Variants in KAT6A observed in about 807,000 individuals in gnomAD.
KAT6A encodes the protein lysine acetyltransferase 6A.
KAT6A carries 9 observed loss-of-function variants against 198.4 expected under a neutral mutation model. That is an observed-to-expected ratio of 0.05 (90% CI 0.03 to 0.08). The LOEUF is 0.08. KAT6A is among the 10% of genes least tolerant of loss of function. The pLI is 1.00. For synonymous variants in KAT6A, 890 were observed against 883.0 expected (o/e 1.01, Z -0.14); for missense variants, 2,077 against 2,509.9 (o/e 0.83, Z 3.69).
At chr8:41,967,646 A>G (rs1823576704) in intron 8 of KAT6A, among the ~76,000 whole-genome samples, 1 of 152,096 alleles carries the variant, frequency 6.6e-6, no homozygotes. Flanking sequence ...TTATGGCTAC[A>G]TAGTATTCCA....
intron 10 of KAT6A, 110 bp from the exon 11 acceptor site, chr8:41,948,022 G>A: frequency 1.2e-6 from 1 of 856,996 alleles, no homozygotes; most frequent in South Asian, 2.2e-5. Context: ...CTAGGAGAAG[G>A]TGTCCATGAC....
rs754833734 is a variant in KAT6A, at chr8:41,934,187, G to A, written c.4033C>T (p.Pro1345Ser). 6.2e-7 allele frequency: 1 copy of A among 1,613,862 alleles called. No homozygotes were observed. Among genetic ancestry groups the A allele is most frequent in the Non-Finnish European group, 8.5e-7 (1 of 1,180,008 alleles). The change falls in exon 17 of 17, where the codon CCT becomes TCT. Residue 1345 changes from proline to serine, a missense_variant. Pro to Ser is a moderately conservative substitution (Grantham distance 74). Around this residue, in one of 13 missense-constraint regions of KAT6A, gnomAD observed 375 missense variants for 383.0 expected, o/e 0.98. Transcript: ENST00000265713. The part of the protein sequence containing the change: ...QPTREDVKEE[P>S]GVQESFLDAN... ...TCTAAAAAAGACTCTTGAACACCAG[G>A]CTCCTCCTTGACATCTTCCCTCGTG...
chr8:42,045,135 A>G (rs1409646509), intron 2 of KAT6A, among the ~76,000 whole-genome samples: 1 of 152,232 alleles, frequency 6.6e-6, no homozygotes, highest in African/African-American at 2.4e-5. Context: ...TCCATTTAAA[A>G]ATATAGAACA....
chr8:41,937,333 T>C lies in KAT6A; in HGVS notation c.3275A>G (p.Asp1092Gly). 6.2e-7 allele frequency: 1 copy of C among 1,614,126 alleles called. No individual in the cohort carries two copies. Among genetic ancestry groups the C allele is most frequent in the Non-Finnish European group, 8.5e-7 (1 of 1,179,964 alleles). The change falls in exon 16 of 17, where the codon GAT (aspartate) becomes GGT (glycine). Residue 1092 changes from aspartate to glycine, a missense_variant. By Grantham distance (94) the Asp-to-Gly change is moderately conservative. Transcript: ENST00000265713. ...AGAAGAGGACTGACACCTGAGTACA[T>C]CCTGCGAAGACAAACGACGGAAGTA... ...REYFRRLSSQ[D>G]VLRCQSSSKR...
At chr8:41,969,962 CA>C (rs1274523815) in intron 8 of KAT6A, among the ~76,000 whole-genome samples, 2 of 152,158 alleles carry the variant, frequency 1.3e-5, no homozygotes, top group African/African-American at 4.8e-5. Flanking sequence ...GTTACTTCTT[CA>C]AAAGTCTTCC....
At chr8:41,947,961 C>A in intron 10 of KAT6A, 49 bp from the exon 11 acceptor site, 1 of 1,420,498 alleles carries the variant, frequency 7.0e-7, no homozygotes, top group South Asian at 1.4e-5. Flanking sequence ...CTCTTTAGTT[C>A]TAGAATAATA....
chr8:41,970,966 G>T (rs181225130), intron 8 of KAT6A, among the ~76,000 whole-genome samples: 2 of 152,012 alleles, frequency 1.3e-5, no homozygotes, highest in East Asian at 3.9e-4. Flanking sequence ...GCAAATTATT[G>T]TAAGGACAAA....
chr8:41,948,119 TCATACCTTCAACATAG>T (rs1195066674), intron 10 of KAT6A, among the ~76,000 whole-genome samples: 1 of 152,204 alleles, frequency 6.6e-6, no homozygotes, highest in Non-Finnish European at 1.5e-5. Context: ...ATATAAAACC[TCATACCTTCAACATAG>T]CAGGAACAGC....
At chr8:42,004,056 A>T (rs1189353034) in intron 2 of KAT6A, among the ~76,000 whole-genome samples, 2 of 152,226 alleles carry the variant, frequency 1.3e-5, no homozygotes, top group Non-Finnish European at 2.9e-5. Context: ...CATACTATTC[A>T]TATCCTCAAT....
intron 5 of KAT6A, among the ~76,000 whole-genome samples, 174 bp from the exon 6 acceptor site, chr8:41,978,951 C>A (rs866407174): frequency 6.6e-6 from 1 of 152,288 alleles, no homozygotes; most frequent in Middle Eastern, 3.4e-3. Flanking sequence ...ACACAAAATT[C>A]TACAAATAAT....
At chr8:42,022,773 C>T (rs1564071387) in intron 2 of KAT6A, among the ~76,000 whole-genome samples, 1 of 151,330 alleles carries the variant, frequency 6.6e-6, no homozygotes. Flanking sequence ...TTTGTCATCA[C>T]AAAAAAAATT....
At chr8:42,033,975 G>A (rs549759173) in intron 2 of KAT6A, among the ~76,000 whole-genome samples, 2 of 152,274 alleles carry the variant, frequency 1.3e-5, no homozygotes, top group Non-Finnish European at 2.9e-5. Flanking sequence ...AAGTGTGTAC[G>A]GACATATGCA....
chr8:42,012,188 T>C (rs1826053469), intron 2 of KAT6A, among the ~76,000 whole-genome samples: 1 of 152,180 alleles, frequency 6.6e-6, no homozygotes, highest in Non-Finnish European at 1.5e-5. Flanking sequence ...GGAAAACAGC[T>C]TAGCAGTTTC....
In KAT6A at chr8:41,932,430, G is replaced by A; in HGVS notation, c.5790C>T (p.Pro1930=). 1.2e-6 allele frequency: 2 copies of A among 1,614,240 alleles called. No individual in the cohort carries two copies. Among genetic ancestry groups the A allele is most frequent in the Non-Finnish European group, 1.7e-6 (2 of 1,180,034 alleles). The change falls in exon 17 of 17, where the codon CCC becomes CCT. Residue 1930 remains proline (P), a synonymous_variant. Coordinates refer to ENST00000265713, the MANE Select transcript of KAT6A (RefSeq NM_006766.5). ...NAMNSYRMTQ[P]MMNSSYHSNP... is the part of the protein sequence containing the mutation. The stretch of plus-strand genomic sequence containing the variant: ...TACTATGGTAACTGCTGTTCATCAT[G>A]GGCTGTGTCATTCGATAGCTGTTCA...
intron 3 of KAT6A, 149 bp from the exon 4 acceptor site, chr8:41,982,103 T>C: frequency 1.7e-6 from 1 of 575,168 alleles, no homozygotes; most frequent in African/African-American, 1.9e-5. Context: ...CTGCCACACA[T>C]TTCTCATCAG....
intron 15 of KAT6A, among the ~76,000 whole-genome samples, chr8:41,938,039 T>G (rs144912104): frequency 6.6e-6 from 1 of 152,180 alleles, no homozygotes; most frequent in African/African-American, 2.4e-5. Flanking sequence ...AATGTAGAAA[T>G]ATGGGGCTGA....
intron 8 of KAT6A, among the ~76,000 whole-genome samples, chr8:41,969,434 C>T (rs768452426): frequency 1.3e-5 from 2 of 152,130 alleles, no homozygotes; most frequent in Non-Finnish European, 2.9e-5. Flanking sequence ...TCTCTTGCTT[C>T]CTCAAGCTAC....
At chr8:41,940,484 T>A (rs537846181) in intron 15 of KAT6A, among the ~76,000 whole-genome samples, 110 of 152,294 alleles carry the variant, frequency 7.2e-4, no homozygotes, top group African/African-American at 2.5e-3. Context: ...TTCTAATCTG[T>A]ACATACTTTA....
intron 2 of KAT6A, among the ~76,000 whole-genome samples, chr8:42,039,361 T>G (rs868186770): frequency 1.3e-5 from 2 of 152,212 alleles, no homozygotes; most frequent in Admixed American, 6.5e-5. Context: ...TTAATTCTAT[T>G]TAAACCAGCA....
Sources: gnomAD v4.1 joint callset for allele counts (sites outside exome capture counted in the v4.1 genomes callset) on GRCh38, gnomAD v4.1.1 for gene constraint, gnomAD v4.1.1 regional missense constraint, MANE v1.5 for transcripts, NCBI Gene and HGNC (gene_info 2026-07-23, HGNC 2026-07-21) for gene names.